Variants in TRMT9B observed in about 807,000 individuals in gnomAD.
The protein encoded by TRMT9B is tRNA methyltransferase 9B (putative).
A neutral mutation model predicts 11.5 loss-of-function variants in TRMT9B; 16 were observed. The observed-to-expected ratio is 1.39, with a 90% CI of 0.94 to 2.11. TRMT9B has a LOEUF of 2.11. Ranked by LOEUF, TRMT9B falls within the 30% of genes most tolerant of loss-of-function variation. TRMT9B has a pLI of 0.00. For synonymous variants in TRMT9B, 274 were observed against 192.4 expected (o/e 1.42, Z -3.51); for missense variants, 941 against 553.8 (o/e 1.70, Z -7.02).
At chr8:12,998,380 T>C (rs1386665185) in intron 2 of TRMT9B, among the ~76,000 whole-genome samples, 1 of 152,258 alleles carries the variant, frequency 6.6e-6, no homozygotes, top group Non-Finnish European at 1.5e-5. Flanking sequence ...CATAAATGTA[T>C]GTCAGTATTT....
Position 13,003,812 on chromosome 8 carries a change from CA to C in TRMT9B, c.-1-2383del, listed in dbSNP as rs989279208. 2.0e-5 allele frequency among the ~76,000 whole-genome samples: 3 copies of C among 150,206 alleles called. No individual in the cohort carries two copies. The Admixed American group carries it at 2.0e-4, about 10-fold the overall frequency. On this transcript the variant is annotated intron_variant, in intron 2 of 4. Coordinates refer to ENST00000524591, the MANE Select transcript of TRMT9B (RefSeq NM_020844.3). ...CCCCACAAGGACCAGAGTTAACACA[CA>C]AAAAAAGCACCTACATAAGAACCAA...
intron 2 of TRMT9B, among the ~76,000 whole-genome samples, chr8:13,000,093 C>T (rs936388324): frequency 2.0e-5 from 3 of 152,062 alleles, no homozygotes; most frequent in African/African-American, 4.8e-5. Flanking sequence ...TGATATCTCT[C>T]CATCAAGAGT....
intron 1 of TRMT9B, chr8:12,952,825 C>T (rs1342667348): frequency 1.2e-5 from 3 of 258,594 alleles, no homozygotes; most frequent in African/African-American, 4.6e-5. Context: ...CTGCAACCTC[C>T]GCCTCCCGGG....
intron 2 of TRMT9B, among the ~76,000 whole-genome samples, chr8:13,001,060 C>G (rs761920432): frequency 1.3e-5 from 2 of 151,930 alleles, no homozygotes; most frequent in Non-Finnish European, 2.9e-5. Flanking sequence ...TTCCCCCCAC[C>G]ATGTTATGAA....
rs904188019 is a variant in TRMT9B, at chr8:13,028,331, A to G, written c.*6287A>G. 2 of 167,054 alleles carry G rather than the reference A, an allele frequency of 1.2e-5. No individual in the cohort carries two copies. The highest frequency in any genetic ancestry group is 6.5e-5 in the Admixed American group (1 of 15,280). The allele number at this position is 167,054 out of a possible 1,614,324, so 10.3% of individuals were successfully genotyped here. A position where few individuals can be genotyped will look rare whatever the true frequency, so the allele number is the denominator to read the frequency against. ...TCTTCATTTGACAAATAAATACTAG[A>G]GCTGCAGAAAGTAAAGTTTACTCCA... On this transcript the variant is annotated 3_prime_UTR_variant, in exon 5 of 5. Coordinates refer to ENST00000524591, the MANE Select transcript of TRMT9B (RefSeq NM_020844.3).
Position 13,028,783 on chromosome 8 carries a change from G to T in TRMT9B, c.*6739G>T, listed in dbSNP as rs1439520407. The stretch of plus-strand genomic sequence containing the variant: ...TTAAGTAAAGACAAACTTTCACCAT[G>T]TTGGCCAGGCTGGTCTTGAACTCCT... On this transcript the variant is annotated 3_prime_UTR_variant, in exon 5 of 5. Transcript: ENST00000524591. The T allele has an allele frequency of 6.0e-6, 1 of 165,470 alleles. No individual in the cohort carries two copies. The highest frequency in any genetic ancestry group is 2.4e-5 in the African/African-American group (1 of 41,260). 10.3% of individuals were successfully genotyped at this position (165,470 alleles called of 1,614,324 possible). A position where few individuals can be genotyped will look rare whatever the true frequency, so the allele number is the denominator to read the frequency against.
intron 3 of TRMT9B, 88 bp from the exon 4 acceptor site, chr8:13,012,596 G>A: frequency 7.0e-7 from 1 of 1,438,556 alleles, no homozygotes; most frequent in Non-Finnish European, 9.3e-7. Context: ...ATAAATAAAA[G>A]GTTAATTATA....
chr8:13,012,630 G>C (rs12156247), intron 3 of TRMT9B, 54 bp from the exon 4 acceptor site: 420,479 of 1,516,966 alleles, frequency 0.28, 59,681 homozygotes, highest in South Asian at 0.34. Flanking sequence ...GACAAATGAA[G>C]TATTTCACAT....
intron 1 of TRMT9B, among the ~76,000 whole-genome samples, chr8:12,953,839 T>G (rs1035116766): frequency 2.8e-4 from 42 of 152,158 alleles, no homozygotes; most frequent in Non-Finnish European, 4.3e-4. Context: ...CCTTGAGAAG[T>G]TGGGACATAT....
rs1413283444 is a variant in TRMT9B, at chr8:13,028,105, G to A, written c.*6061G>A. ...AATTGTTCTATTTTTAATTCCCCAG[G>A]GATCCTACGGTCTATGACACATTAA... On this transcript the variant is annotated 3_prime_UTR_variant, in exon 5 of 5. Transcript: ENST00000524591. 1 of 167,000 alleles carries A rather than the reference G, an allele frequency of 6.0e-6. No individual in the cohort carries two copies. Among genetic ancestry groups the A allele is most frequent in the Non-Finnish European group, 1.5e-5 (1 of 68,100 alleles). 10.3% of individuals were successfully genotyped at this position (167,000 alleles called of 1,614,324 possible).
intron 2 of TRMT9B, among the ~76,000 whole-genome samples, chr8:13,000,662 T>G (rs1172475356): frequency 6.6e-6 from 1 of 152,216 alleles, no homozygotes; most frequent in Admixed American, 6.5e-5. Context: ...GGGTTTGTTT[T>G]AAGGTTACCT....
intron 1 of TRMT9B, among the ~76,000 whole-genome samples, chr8:12,967,989 G>T (rs1009162770): frequency 3.9e-5 from 6 of 152,094 alleles, no homozygotes; most frequent in Non-Finnish European, 7.4e-5. Context: ...TCCGCCTACT[G>T]GGCTCTCACC....
At chr8:12,969,977 T>C (rs905806235) in intron 1 of TRMT9B, 1 of 152,126 alleles carries the variant, frequency 6.6e-6, no homozygotes, top group African/African-American at 2.4e-5. Flanking sequence ...ATTCTGATTT[T>C]AAATATTTTT....
rs1215134466 is a variant in TRMT9B at position 13,026,632 on chromosome 8, T to C, written c.*4588T>C. Reference sequence around the variant, plus strand: ...CCACAGCCCTCCAAGATAACTATACTTATTGTTCCCATTTTGCAGATGAGG... The same window carrying C: ...CCACAGCCCTCCAAGATAACTATACCTATTGTTCCCATTTTGCAGATGAGG... On this transcript the variant is annotated 3_prime_UTR_variant, in exon 5 of 5. Coordinates refer to ENST00000524591, the MANE Select transcript of TRMT9B (RefSeq NM_020844.3). The C allele has an allele frequency of 1.2e-5, 2 of 167,156 alleles. No individual in the cohort carries two copies. The highest frequency in any genetic ancestry group is 6.5e-5 in the Admixed American group (1 of 15,288). The allele number at this position is 167,156 out of a possible 1,614,324, so 10.4% of individuals were successfully genotyped here.
chr8:12,952,158 A>T (rs2272624), intron 1 of TRMT9B: 218,796 of 452,928 alleles, frequency 0.48, 57,472 homozygotes, highest in African/African-American at 0.77. Flanking sequence ...ACTACTCGCA[A>T]CGGGAGAGCT....
At chr8:13,015,217 G>T (rs367668929) in intron 4 of TRMT9B, among the ~76,000 whole-genome samples, 1 of 151,308 alleles carries the variant, frequency 6.6e-6, no homozygotes, top group Non-Finnish European at 1.5e-5. Context: ...AATGATTCAA[G>T]AATTTTTTAT....
intron 2 of TRMT9B, among the ~76,000 whole-genome samples, chr8:13,003,059 G>A (rs1809762083): frequency 6.6e-6 from 1 of 152,108 alleles, no homozygotes; most frequent in Non-Finnish European, 1.5e-5. Flanking sequence ...GGTCTGCTGT[G>A]TCCTAAGTGC....
At chr8:12,998,555 T>C (rs1197448929) in intron 2 of TRMT9B, among the ~76,000 whole-genome samples, 1 of 152,208 alleles carries the variant, frequency 6.6e-6, no homozygotes, top group East Asian at 1.9e-4. Flanking sequence ...GCTAAGTGCT[T>C]ACAGCCTATT....
chr8:12,994,023 C>T (rs963583730), intron 2 of TRMT9B, among the ~76,000 whole-genome samples: 1 of 152,200 alleles, frequency 6.6e-6, no homozygotes, highest in Non-Finnish European at 1.5e-5. Context: ...TGTCAATTTC[C>T]TGGGCGAGGG....
Sources: allele counts gnomAD v4.1 joint callset (sites outside exome capture counted in the v4.1 genomes callset), GRCh38; gene constraint gnomAD v4.1.1; transcripts MANE v1.5; gene names NCBI Gene and HGNC (gene_info 2026-07-23, HGNC 2026-07-21).